The following DIAPH2 variants were observed in gnomAD, a reference collection of about 807,000 sequenced individuals.
DIAPH2 encodes the protein diaphanous related formin 2, also known as protein diaphanous homolog 2.
DIAPH2 carries 35 observed loss-of-function variants against 92.7 expected under a neutral mutation model. That is an observed-to-expected ratio of 0.38 (90% CI 0.29 to 0.50). DIAPH2 has a LOEUF of 0.50. DIAPH2 is among the 20% of genes least tolerant of loss of function. The pLI is 0.94. For missense variants in DIAPH2, 701 were observed against 819.5 expected, an observed-to-expected ratio of 0.86 and a Z score of 1.77; for synonymous variants, 301 against 280.4, an observed-to-expected ratio of 1.07 and a Z score of -0.73.
At chrX:97,239,872 CTT>C (rs2068078856) in intron 22 of DIAPH2, among the ~76,000 whole-genome samples, 1 of 108,982 alleles carries the variant, frequency 9.2e-6, no homozygotes, top group African/African-American at 3.4e-5. Flanking sequence ...CTCTCTCTCT[CTT>C]TCTCACACAC....
At chrX:96,761,388 G>C (rs2064267812) in intron 4 of DIAPH2, among the ~76,000 whole-genome samples, 1 of 108,875 alleles carries the variant, frequency 9.2e-6, no homozygotes, top group Non-Finnish European at 1.9e-5. Context: ...TAAAATAGTG[G>C]TGCTAGCTAC....
intron 4 of DIAPH2, among the ~76,000 whole-genome samples, chrX:96,767,682 A>G (rs761161718): frequency 9.0e-6 from 1 of 111,602 alleles, no homozygotes; most frequent in Non-Finnish European, 1.9e-5. Flanking sequence ...TGAAGATTTA[A>G]AGGGAAAAAT....
chrX:97,402,836 A>G (rs1484041304), intron 25 of DIAPH2, among the ~76,000 whole-genome samples: 1 of 112,280 alleles, frequency 8.9e-6, no homozygotes, highest in Non-Finnish European at 1.9e-5. Flanking sequence ...ATTATCAGGA[A>G]TAGTAACTAC....
At chrX:97,120,647 G>C (rs1262117345) in intron 21 of DIAPH2, among the ~76,000 whole-genome samples, 4 of 84,817 alleles carry the variant, frequency 4.7e-5, no homozygotes, top group African/African-American at 2.0e-4. Flanking sequence ...TAGCTCATCA[G>C]CTATCATTAG....
At chrX:97,193,001 C>CTTTTTA (rs1344393772) in intron 22 of DIAPH2, among the ~76,000 whole-genome samples, 2 of 99,096 alleles carry the variant, frequency 2.0e-5, no homozygotes, top group East Asian at 6.0e-4. Context: ...CTTTCTTTTT[C>CTTTTTA]TTTTTCTTTT....
intron 1 of DIAPH2, among the ~76,000 whole-genome samples, chrX:96,706,280 A>G (rs1418829058): frequency 8.9e-6 from 1 of 111,971 alleles, no homozygotes; most frequent in Non-Finnish European, 1.9e-5. Context: ...TTATTTTTCT[A>G]TAGCTGGCCT....
intron 22 of DIAPH2, among the ~76,000 whole-genome samples, chrX:97,170,311 TATA>T (rs932925027): frequency 8.9e-6 from 1 of 111,894 alleles, no homozygotes; most frequent in African/African-American, 3.2e-5. Context: ...CATGACATAC[TATA>T]ATGTTTAGAG....
intron 17 of DIAPH2, among the ~76,000 whole-genome samples, chrX:97,004,094 C>G (rs1204525477): frequency 8.9e-6 from 1 of 111,740 alleles, no homozygotes; most frequent in Non-Finnish European, 1.9e-5. Context: ...AATGAGTTCA[C>G]TGTAGATGCA....
chrX:96,765,610 A>T (rs1439062581), intron 4 of DIAPH2, among the ~76,000 whole-genome samples: 1 of 111,923 alleles, frequency 8.9e-6, no homozygotes, highest in East Asian at 2.8e-4. Context: ...TATGCATAGG[A>T]AAAAGCATAC....
chrX:97,004,906 T>TC (rs1226166122), intron 17 of DIAPH2, among the ~76,000 whole-genome samples: 5 of 111,907 alleles, frequency 4.5e-5, no homozygotes, highest in Non-Finnish European at 9.4e-5. Flanking sequence ...TCTTAGTTTT[T>TC]CCCCATTTTC....
At chrX:96,854,624 T>TGG (rs2065027554) in intron 4 of DIAPH2, among the ~76,000 whole-genome samples, 1 of 78,239 alleles carries the variant, frequency 1.3e-5, no homozygotes. Flanking sequence ...TATATATATA[T>TGG]ATATATATAT....
intron 5 of DIAPH2, among the ~76,000 whole-genome samples, chrX:96,897,802 G>A (rs1462146150): frequency 4.2e-5 from 4 of 96,352 alleles, no homozygotes; most frequent in African/African-American, 1.5e-4. Flanking sequence ...GTATACATGT[G>A]CCATGCTGGT....
chrX:96,870,357 G>A (rs921986206), intron 4 of DIAPH2, among the ~76,000 whole-genome samples: 2 of 109,991 alleles, frequency 1.8e-5, no homozygotes, highest in African/African-American at 3.3e-5. Flanking sequence ...CACCTCCGGG[G>A]TTCACGCCAT....
intron 22 of DIAPH2, among the ~76,000 whole-genome samples, chrX:97,194,106 CAG>C (rs2067677701): frequency 9.0e-6 from 1 of 110,660 alleles, no homozygotes; most frequent in Non-Finnish European, 1.9e-5. Context: ...TAATAAGTCG[CAG>C]AGTCAGATTT....
intron 22 of DIAPH2, among the ~76,000 whole-genome samples, chrX:97,237,521 G>A (rs2147534675): frequency 9.0e-6 from 1 of 110,753 alleles, no homozygotes; most frequent in East Asian, 2.8e-4. Context: ...GGTGGGTGGG[G>A]CATCTTTTAT....
intron 4 of DIAPH2, among the ~76,000 whole-genome samples, chrX:96,771,530 A>C (rs772741302): frequency 1.6e-4 from 18 of 111,663 alleles, no homozygotes; most frequent in African/African-American, 5.5e-4. Context: ...AGGTAATTAT[A>C]TGATGTCTTT....
At position 96,962,364 on chromosome X, in the gene DIAPH2, T is replaced by C. The variant is rs780334370; in HGVS notation, c.1936-2729T>C. ...ATATATATATATACACATATATATA[T>C]ACACATATATATATACACATATATA... On this transcript the variant is annotated intron_variant, in intron 16 of 26. Transcript: ENST00000324765. Among the ~76,000 whole-genome samples the C allele has an allele frequency of 1.6e-3, 105 of 64,643 alleles. 2 individuals carry two copies. Among genetic ancestry groups the C allele is most frequent in the Non-Finnish European group, 2.2e-3 (79 of 36,364 alleles). 56.1% of individuals were successfully genotyped at this position (64,643 alleles called of 115,157 possible). A position where few individuals can be genotyped will look rare whatever the true frequency, so the allele number is the denominator to read the frequency against.
intron 1 of DIAPH2, among the ~76,000 whole-genome samples, chrX:96,718,358 T>TTTTTTTTTTTTTTTTTTG (rs1569373822): frequency 4.3e-5 from 3 of 69,416 alleles, no homozygotes; most frequent in Admixed American, 1.7e-4. Flanking sequence ...TTTTTTTTTT[T>TTTTTTTTTTTTTTTTTTG]TTTTTTTTTT....
intron 17 of DIAPH2, among the ~76,000 whole-genome samples, chrX:97,028,430 C>G (rs1215316278): frequency 9.0e-6 from 1 of 111,525 alleles, no homozygotes; most frequent in Non-Finnish European, 1.9e-5. Flanking sequence ...TTCAAGAAAC[C>G]TGTACCCATT....
Sources: allele counts gnomAD v4.1 joint callset (sites outside exome capture counted in the v4.1 genomes callset), GRCh38; gene constraint gnomAD v4.1.1; transcripts MANE v1.5; gene names NCBI Gene and HGNC (gene_info 2026-07-23, HGNC 2026-07-21).